LUZP2: variants seen among roughly 807,000 people sequenced by gnomAD.
LUZP2 encodes leucine zipper protein 2.
Under a neutral mutation model 51.6 loss-of-function variants are expected in LUZP2, and 52 were observed. That is an observed-to-expected ratio of 1.01 (90% CI 0.81 to 1.27). The LOEUF (loss-of-function observed/expected upper bound fraction) is 1.27. Among genes scored for constraint, LUZP2 ranks in the 50% most tolerant of loss-of-function variants. LUZP2 has a pLI of 0.00. For synonymous variants in LUZP2, 154 were observed against 137.3 expected (o/e 1.12, Z -0.85); for missense variants, 436 against 395.4 (o/e 1.10, Z -0.87).
intron 5 of LUZP2, among the ~76,000 whole-genome samples, chr11:24,768,173 G>A (rs370564577): frequency 1.4e-4 from 22 of 151,866 alleles, no homozygotes; most frequent in South Asian, 6.3e-4. Flanking sequence ...TCACTCTGTC[G>A]CCCTGGCTGG....
chr11:25,016,155 C>G (rs1565231634), intron 9 of LUZP2, among the ~76,000 whole-genome samples: 1 of 152,062 alleles, frequency 6.6e-6, no homozygotes, highest in Non-Finnish European at 1.5e-5. Context: ...CTCCTGACCT[C>G]ATGATCCGCC....
At chr11:24,831,152 C>T (rs766119223) in intron 5 of LUZP2, among the ~76,000 whole-genome samples, 1 of 152,162 alleles carries the variant, frequency 6.6e-6, no homozygotes, top group African/African-American at 2.4e-5. Flanking sequence ...TAGCAGTTAT[C>T]GTATTACGTT....
At chr11:24,741,946 C>T (rs11028132) in intron 4 of LUZP2, among the ~76,000 whole-genome samples, 118 of 94,094 alleles carry the variant, frequency 1.3e-3, no homozygotes, top group Non-Finnish European at 1.8e-3. Flanking sequence ...TAAATATATA[C>T]ATTTATATAT....
chr11:24,818,270 C>T (rs1025940438), intron 5 of LUZP2, among the ~76,000 whole-genome samples: 1 of 152,010 alleles, frequency 6.6e-6, no homozygotes, highest in Non-Finnish European at 1.5e-5. Context: ...GTGGTTTCCT[C>T]TGTAAGAAAG....
intron 3 of LUZP2, among the ~76,000 whole-genome samples, chr11:24,735,577 T>A (rs144848435): frequency 1.7e-3 from 264 of 152,082 alleles, no homozygotes; most frequent in African/African-American, 5.9e-3. Context: ...TGATCTGTGA[T>A]GTTATTAAAA....
At chr11:24,566,797 T>C (rs1852243473) in intron 1 of LUZP2, among the ~76,000 whole-genome samples, 1 of 146,218 alleles carries the variant, frequency 6.8e-6, no homozygotes, top group Non-Finnish European at 1.5e-5. Flanking sequence ...ATAATGTATA[T>C]ATACATATTT....
At chr11:24,656,653 A>G (rs1164277923) in intron 1 of LUZP2, among the ~76,000 whole-genome samples, 2 of 152,168 alleles carry the variant, frequency 1.3e-5, no homozygotes, top group African/African-American at 4.8e-5. Flanking sequence ...TTGTAGAACT[A>G]TGGTCCTTGT....
At chr11:25,069,782 T>A (rs1229689053) in intron 10 of LUZP2, among the ~76,000 whole-genome samples, 2 of 151,872 alleles carry the variant, frequency 1.3e-5, no homozygotes, top group African/African-American at 4.8e-5. Context: ...GTTCTTTATT[T>A]GATTATACTA....
intron 1 of LUZP2, among the ~76,000 whole-genome samples, chr11:24,566,157 T>C (rs1852205173): frequency 1.3e-5 from 2 of 151,640 alleles, no homozygotes; most frequent in African/African-American, 4.8e-5. Context: ...ATATTGTGCA[T>C]AGAAGACAAA....
At position 24,840,224 on chromosome 11, in the gene LUZP2, T is replaced by C. The variant is rs937957854; in HGVS notation, c.397-65767T>C. Among the ~76,000 whole-genome samples the C allele has an allele frequency of 5.3e-5, 8 of 151,916 alleles. 1 individual carries two copies. In the South Asian group the frequency reaches 1.7e-3, roughly 32 times the overall value. On this transcript the variant is annotated intron_variant, in intron 5 of 11. Coordinates refer to ENST00000336930, the MANE Select transcript of LUZP2 (RefSeq NM_001009909.4). ...CTTATTCTCCTCAACCCTTTCTTCT[T>C]ATGTCTATACCTTCCACGCTTAGGC...
chr11:24,831,363 C>A (rs1280818275), intron 5 of LUZP2, among the ~76,000 whole-genome samples: 1 of 152,150 alleles, frequency 6.6e-6, no homozygotes, highest in African/African-American at 2.4e-5. Flanking sequence ...AGTATGTAGT[C>A]ACTTCTGTAG....
At chr11:24,658,180 C>A (rs202242358) in intron 1 of LUZP2, among the ~76,000 whole-genome samples, 3 of 152,160 alleles carry the variant, frequency 2.0e-5, no homozygotes, top group African/African-American at 7.2e-5. Context: ...AACTATGCTA[C>A]AAGGCTACAG....
chr11:24,657,088 C>T (rs1458443633), intron 1 of LUZP2, among the ~76,000 whole-genome samples: 2 of 151,940 alleles, frequency 1.3e-5, no homozygotes, highest in Non-Finnish European at 2.9e-5. Flanking sequence ...ACTTGATTTG[C>T]ATTATTTAGA....
intron 1 of LUZP2, among the ~76,000 whole-genome samples, chr11:24,642,312 T>C (rs1855317772): frequency 6.6e-6 from 1 of 151,878 alleles, no homozygotes; most frequent in African/African-American, 2.4e-5. Flanking sequence ...GATTTTTTTT[T>C]CAAAAGTTGT....
At chr11:24,872,417 C>T (rs538370108) in intron 5 of LUZP2, among the ~76,000 whole-genome samples, 2 of 152,252 alleles carry the variant, frequency 1.3e-5, no homozygotes, top group Admixed American at 1.3e-4. Flanking sequence ...AATCTAAAAG[C>T]TTTGTTCCCT....
At chr11:24,789,871 C>T (rs1436733276) in intron 5 of LUZP2, among the ~76,000 whole-genome samples, 1 of 152,156 alleles carries the variant, frequency 6.6e-6, no homozygotes, top group East Asian at 1.9e-4. Flanking sequence ...TCAAGGGCTG[C>T]ACTTTCTAAT....
intron 1 of LUZP2, among the ~76,000 whole-genome samples, chr11:24,532,211 T>C (rs1851026697): frequency 6.6e-6 from 1 of 151,032 alleles, no homozygotes; most frequent in Non-Finnish European, 1.5e-5. Context: ...ACTATGATTC[T>C]ATTCATTAAC....
chr11:24,627,521 T>G (rs2133919115), intron 1 of LUZP2, among the ~76,000 whole-genome samples: 1 of 152,340 alleles, frequency 6.6e-6, no homozygotes, highest in South Asian at 2.1e-4. Flanking sequence ...TATAACCGAC[T>G]TTCTTTCTGT....
intron 1 of LUZP2, among the ~76,000 whole-genome samples, chr11:24,528,064 A>G (rs1850871304): frequency 6.6e-6 from 1 of 151,286 alleles, no homozygotes; most frequent in Non-Finnish European, 1.5e-5. Context: ...TCAACCCTCT[A>G]TTCATAGTCG....
Sources: gnomAD v4.1 joint callset for allele counts (sites outside exome capture counted in the v4.1 genomes callset) on GRCh38, gnomAD v4.1.1 for gene constraint, MANE v1.5 for transcripts, NCBI Gene and HGNC (gene_info 2026-07-23, HGNC 2026-07-21) for gene names.